SSX3: variants seen among roughly 807,000 people sequenced by gnomAD.
SSX3 encodes the protein protein SSX3.
SSX3 carries 6 observed loss-of-function variants against 14.8 expected under a neutral mutation model. The observed-to-expected ratio is 0.41, with a 90% CI of 0.22 to 0.80. The LOEUF is 0.80. SSX3 is among the 30% of genes least tolerant of loss of function. The pLI, the probability that SSX3 is intolerant of heterozygous loss-of-function variation, is 0.34. For missense variants in SSX3, 163 were observed against 152.2 expected, an observed-to-expected ratio of 1.07 and a Z score of -0.37; for synonymous variants, 55 against 52.9, an observed-to-expected ratio of 1.04 and a Z score of -0.18.
At chrX:48,347,132 C>A in intron 7 of SSX3, 97 bp from the exon 8 acceptor site, 1 of 1,063,996 alleles carries the variant, frequency 9.4e-7, no homozygotes, top group Non-Finnish European at 1.3e-6. Flanking sequence ...CCTGCACACT[C>A]CGATTCTGCC....
At chrX:48,351,840 A>C (rs1371938470) in intron 5 of SSX3, among the ~76,000 whole-genome samples, 1 of 111,962 alleles carries the variant, frequency 8.9e-6, no homozygotes, top group African/African-American at 3.2e-5. Flanking sequence ...GATAATAGAA[A>C]CAATGTCTTC....
intron 1 of SSX3, among the ~76,000 whole-genome samples, 169 bp from the exon 2 acceptor site, chrX:48,355,438 A>G (rs1196542001): frequency 3.6e-5 from 4 of 111,286 alleles, no homozygotes; most frequent in Admixed American, 9.6e-5. Context: ...GACGAAAACC[A>G]GGAACCAGGG....
intron 5 of SSX3, among the ~76,000 whole-genome samples, chrX:48,351,310 C>A (rs1233127703): frequency 6.3e-5 from 7 of 111,902 alleles, no homozygotes; most frequent in Admixed American, 5.7e-4. Context: ...ATTCAGGGGC[C>A]TCCGAGGGAT....
At position 48,347,561 on chromosome X, in the gene SSX3, C is replaced by T. The variant is rs1437858888; in HGVS notation, c.510G>A (p.Glu170=). Residue 170 remains glutamate, a synonymous_variant, in exon 7 of 8, where the codon GAG becomes GAA. Transcript: ENST00000298396. ...GEHAWTHRLR[E]RKQLVIYEEI... is the part of the protein sequence containing the mutation. The stretch of plus-strand genomic sequence containing the variant: ...CTTCATAAATCACCAGCTGCTTTCT[C>T]TCACGCAGTCTGTGGGTCCAGGCAT... 9 of 1,208,516 alleles carry T rather than the reference C, an allele frequency of 7.4e-6. No individual in the cohort carries two copies. Among genetic ancestry groups the T allele is most frequent in the Admixed American group, 6.6e-5 (3 of 45,757 alleles).
intron 5 of SSX3, among the ~76,000 whole-genome samples, chrX:48,350,674 C>T (rs1213339506): frequency 5.4e-5 from 6 of 110,907 alleles, no homozygotes; most frequent in Non-Finnish European, 7.5e-5. Context: ...CCTACCGAGG[C>T]ACCAATTGAA....
At chrX:48,349,272 A>T (rs2061251363) in intron 6 of SSX3, among the ~76,000 whole-genome samples, 1 of 111,960 alleles carries the variant, frequency 8.9e-6, no homozygotes, top group East Asian at 2.8e-4. Context: ...TGTTCTTTTA[A>T]GAAACTGCCA....
intron 1 of SSX3, among the ~76,000 whole-genome samples, chrX:48,355,725 G>T (rs782236943): frequency 9.0e-6 from 1 of 111,502 alleles, no homozygotes; most frequent in South Asian, 3.8e-4. Flanking sequence ...GCAGAGGGAT[G>T]GGGGGTTCTG....
chrX:48,347,920 T>C (rs1323056272), intron 6 of SSX3, among the ~76,000 whole-genome samples: 1 of 112,825 alleles, frequency 8.9e-6, no homozygotes, highest in African/African-American at 3.2e-5. Flanking sequence ...GCATACCTTG[T>C]TTTGTTGCAC....
In SSX3 at chrX:48,355,188, A is replaced by G. The variant is rs1160118940; in HGVS notation, c.62T>C (p.Ile21Thr). ...PTVGAQIPEK[I>T]QKAFDDIAKY... is the part of the protein sequence containing the mutation. ...CCCTCTAGGTCACCTCACCTTTTGT[A>G]TCTTCTCTGGTATTTGAGCACCAAC... Residue 21 changes from isoleucine to threonine, a missense_variant, in exon 2 of 8, where the codon ATA becomes ACA. Physicochemically the swap from Ile to Thr is moderately conservative, Grantham distance 89. Transcript: ENST00000298396. The G allele has an allele frequency of 2.5e-6, 3 of 1,209,211 alleles. No homozygotes were observed. The African/African-American group carries it at 5.3e-5, about 21-fold the overall frequency.
intron 5 of SSX3, among the ~76,000 whole-genome samples, chrX:48,350,608 G>C (rs1371396902): frequency 1.8e-5 from 2 of 110,224 alleles, no homozygotes; most frequent in East Asian, 5.7e-4. Context: ...GAAATAAATG[G>C]CTTGCTGAAA....
intron 5 of SSX3, among the ~76,000 whole-genome samples, chrX:48,350,771 C>CTTTTTTT (rs374614128): frequency 2.1e-5 from 2 of 96,362 alleles, no homozygotes; most frequent in African/African-American, 7.7e-5. Flanking sequence ...CTTTCTTTTT[C>CTTTTTTT]TTTTTTTTTT....
At chrX:48,351,440 T>C (rs1381885357) in intron 5 of SSX3, among the ~76,000 whole-genome samples, 1 of 112,253 alleles carries the variant, frequency 8.9e-6, no homozygotes, top group African/African-American at 3.2e-5. Flanking sequence ...GTGGCCCCAG[T>C]AACACAGCAG....
intron 3 of SSX3, among the ~76,000 whole-genome samples, 191 bp from the exon 4 acceptor site, chrX:48,354,285 C>CAAA (rs370532904): frequency 2.5e-5 from 1 of 40,032 alleles, no homozygotes; most frequent in Non-Finnish European, 4.9e-5. Flanking sequence ...CTGACTCAAA[C>CAAA]AAAAAAAAAA....
intron 1 of SSX3, among the ~76,000 whole-genome samples, 168 bp from the exon 2 acceptor site, chrX:48,355,437 C>A (rs1424963894): frequency 2.7e-5 from 3 of 111,119 alleles, no homozygotes; most frequent in African/African-American, 6.5e-5. Context: ...AGACGAAAAC[C>A]AGGAACCAGG....
Position 48,347,019 on chromosome X carries a change from G to A in SSX3, c.*21C>T. The A allele has an allele frequency of 1.7e-6, 2 of 1,198,276 alleles. No individual in the cohort carries two copies. Among genetic ancestry groups the A allele is most frequent in the East Asian group, 3.0e-5 (1 of 33,838 alleles). ...ACGTTCTGCTTCTCATCATGGGCATGTGTCATATCCCCAAGGCTGAGGCAA... is the reference window on the plus strand; with the variant it reads ...ACGTTCTGCTTCTCATCATGGGCATATGTCATATCCCCAAGGCTGAGGCAA... On this transcript the variant is annotated 3_prime_UTR_variant, in exon 8 of 8. Coordinates refer to ENST00000298396, the MANE Select transcript of SSX3 (RefSeq NM_021014.4).
rs1239281699 is a variant in SSX3 at position 48,348,484 on chromosome X, C to A, written c.467-880G>T. On this transcript the variant is annotated intron_variant, in intron 6 of 7. Transcript: ENST00000298396. ...GCAATACTGAAATGAGGATTATTAA[C>A]AACCTTACAATGGCCGTTAAGTGTT... The A allele has an allele frequency of 7.9e-6, 4 of 508,041 alleles. 1 individual carries two copies. Among genetic ancestry groups the A allele is most frequent in the African/African-American group, 7.0e-5 (3 of 42,662 alleles). The allele number at this position is 508,041 out of a possible 1,213,427, so 41.9% of individuals were successfully genotyped here. A position where few individuals can be genotyped will look rare whatever the true frequency, so the allele number is the denominator to read the frequency against.
At chrX:48,347,226 A>G (rs2061242738) in intron 7 of SSX3, among the ~76,000 whole-genome samples, 191 bp from the exon 8 acceptor site, 1 of 112,463 alleles carries the variant, frequency 8.9e-6, no homozygotes, top group Admixed American at 9.4e-5. Context: ...CGCCTGGGCT[A>G]TCAATTCCTA....
intron 2 of SSX3, 180 bp downstream of exon 2, chrX:48,355,001 C>G (rs1219142576): frequency 6.6e-6 from 5 of 752,574 alleles, no homozygotes; most frequent in Non-Finnish European, 7.8e-6. Context: ...TGCAAGGTCA[C>G]AGACTTGTCT....
chrX:48,354,801 A>G, intron 2 of SSX3, 55 bp from the exon 3 acceptor site: 1 of 1,202,730 alleles, frequency 8.3e-7, no homozygotes, highest in South Asian at 1.8e-5. Context: ...CATGTCTGCC[A>G]TTCAGCTGGA....
Sources: gnomAD v4.1 joint callset for allele counts (sites outside exome capture counted in the v4.1 genomes callset) on GRCh38, gnomAD v4.1.1 for gene constraint, MANE v1.5 for transcripts, NCBI Gene and HGNC (gene_info 2026-07-23, HGNC 2026-07-21) for gene names.